Variants in CHST10 observed in about 807,000 individuals in gnomAD.
The protein encoded by CHST10 is HNK-1 sulfotransferase.
Under a neutral mutation model 34.7 loss-of-function variants are expected in CHST10, and 24 were observed. The ratio of observed to expected loss-of-function variants is 0.69; its 90% CI spans 0.50 to 0.97. The LOEUF (loss-of-function observed/expected upper bound fraction) is 0.97. Ranked by LOEUF, CHST10 falls within the 50% of genes least tolerant of loss-of-function variation. The pLI is 0.00. For missense variants in CHST10, 402 were observed against 452.1 expected (o/e 0.89, Z 1.00); for synonymous variants, 161 against 169.3 (o/e 0.95, Z 0.38).
intron 3 of CHST10, among the ~76,000 whole-genome samples, chr2:100,405,253 C>T (rs889037240): frequency 1.3e-5 from 2 of 152,208 alleles, no homozygotes; most frequent in Non-Finnish European, 2.9e-5. Flanking sequence ...GTGACACCTG[C>T]CCAGATACCT....
intron 2 of CHST10, among the ~76,000 whole-genome samples, chr2:100,413,894 C>T (rs1274117764): frequency 6.6e-6 from 1 of 152,148 alleles, no homozygotes; most frequent in African/African-American, 2.4e-5. Flanking sequence ...CAGGCTTTTT[C>T]CAGACATTTT....
At position 100,394,975 on chromosome 2, in the gene CHST10, T is replaced by C. The variant is rs572275974; in HGVS notation, c.533+534A>G. Among the ~76,000 whole-genome samples, 461 of 152,126 alleles carry C rather than the reference T, an allele frequency of 3.0e-3. 1 individual carries two copies. Among genetic ancestry groups the C allele is most frequent in the African/African-American group, 0.01 (432 of 41,494 alleles). On this transcript the variant is annotated intron_variant, in intron 6 of 6. Coordinates refer to ENST00000264249, the MANE Select transcript of CHST10 (RefSeq NM_004854.5). ...TTCAAATGATCCGCCCACCTCGGCC[T>C]CCCAAAGTGCTGGTATTACAGGCAT...
chr2:100,414,148 A>T (rs1389031475), intron 2 of CHST10, among the ~76,000 whole-genome samples: 1 of 152,076 alleles, frequency 6.6e-6, no homozygotes, highest in Non-Finnish European at 1.5e-5. Context: ...AGCCATGCAG[A>T]CCCCTGGGCA....
intron 4 of CHST10, among the ~76,000 whole-genome samples, chr2:100,399,011 G>A (rs1427384482): frequency 6.6e-6 from 1 of 152,062 alleles, no homozygotes; most frequent in Non-Finnish European, 1.5e-5. Context: ...TGAATAGCAG[G>A]GCAGCCTCCA....
Position 100,402,251 on chromosome 2 carries a change from T to A in CHST10, c.192+313A>T, listed in dbSNP as rs574108997. ...GTGAGATGTCTTCTCCCACTTCTGG[T>A]TTCCTCCTGACCCTGCCCAATACTC... is the stretch of plus-strand genomic sequence containing the variant. On this transcript the variant is annotated intron_variant, in intron 4 of 6. Coordinates refer to ENST00000264249, the MANE Select transcript of CHST10 (RefSeq NM_004854.5). 1.6e-4 allele frequency among the ~76,000 whole-genome samples: 24 copies of A among 152,302 alleles called. No homozygotes were observed. The South Asian group carries it at 4.8e-3, about 30-fold the overall frequency.
At chr2:100,396,471 T>A (rs551791556) in intron 5 of CHST10, among the ~76,000 whole-genome samples, 1 of 152,290 alleles carries the variant, frequency 6.6e-6, no homozygotes, top group African/African-American at 2.4e-5. Flanking sequence ...GTTAATCCGG[T>A]AGGGTTAAGA....
At chr2:100,398,399 A>C (rs1208713150) in intron 4 of CHST10, among the ~76,000 whole-genome samples, 1 of 152,082 alleles carries the variant, frequency 6.6e-6, no homozygotes, top group African/African-American at 2.4e-5. Flanking sequence ...TTTGGAGAGA[A>C]GTTTGACTTT....
chr2:100,399,103 T>C lies in CHST10; in HGVS notation c.193-961A>G, dbSNP rs1573179276. On this transcript the variant is annotated intron_variant, in intron 4 of 6. Transcript: ENST00000264249. ...CAGCTGCTACATCTCTCTCTCTCTC[T>C]TTTTTTTTTTTTTTTTATGAGACGG... Among the ~76,000 whole-genome samples, 4 of 43,760 alleles carry C rather than the reference T, an allele frequency of 9.1e-5. No homozygotes were observed. In the South Asian group the frequency reaches 2.1e-3, roughly 23 times the overall value. 28.7% of individuals were successfully genotyped at this position (43,760 alleles called of 152,430 possible). A position where few individuals can be genotyped will look rare whatever the true frequency, so the allele number is the denominator to read the frequency against.
At chr2:100,406,522 G>A (rs1675583879) in intron 3 of CHST10, 54 bp downstream of exon 3, 1 of 1,604,484 alleles carries the variant, frequency 6.2e-7, no homozygotes, top group Non-Finnish European at 8.5e-7. Context: ...TAGGAACAGT[G>A]TTGCAGCTAG....
At chr2:100,402,686 T>C (rs1422601500) in intron 3 of CHST10, 31 bp from the exon 4 acceptor site, 2 of 1,593,278 alleles carry the variant, frequency 1.3e-6, no homozygotes, top group South Asian at 1.1e-5. Flanking sequence ...ATGTCTTCTC[T>C]AAAAGGAAAA....
chr2:100,398,548 A>G (rs562727568), intron 4 of CHST10, among the ~76,000 whole-genome samples: 1 of 152,250 alleles, frequency 6.6e-6, no homozygotes, highest in South Asian at 2.1e-4. Flanking sequence ...TACTAAAAAT[A>G]CAAAAATTAG....
chr2:100,415,935 G>A (rs1279828524), intron 1 of CHST10: 1 of 152,170 alleles, frequency 6.6e-6, no homozygotes, highest in African/African-American at 2.4e-5. Context: ...CTACTAACTT[G>A]TACTGCTGTT....
chr2:100,406,743 A>C, intron 2 of CHST10, 36 bp from the exon 3 acceptor site: 2 of 1,602,216 alleles, frequency 1.2e-6, no homozygotes, highest in Non-Finnish European at 1.7e-6. Context: ...TGCTGCTTAC[A>C]AATACATCAA....
chr2:100,392,620 C>T lies in CHST10; in HGVS notation c.*625G>A, dbSNP rs1057056. The T allele has an allele frequency of 0.11, 17,472 of 156,368 alleles. 2,512 individuals are homozygous for T. Among genetic ancestry groups the T allele is most frequent in the African/African-American group, 0.33 (13,713 of 41,440 alleles). The allele number at this position is 156,368 out of a possible 1,614,324, so 9.7% of individuals were successfully genotyped here. A position where few individuals can be genotyped will look rare whatever the true frequency, so the allele number is the denominator to read the frequency against. ...CAGGCATGGATTCTGGAAAGATGGA[C>T]CCCTGGACACCACACCACCCTCTGG... On this transcript the variant is annotated 3_prime_UTR_variant, in exon 7 of 7. Coordinates refer to ENST00000264249, the MANE Select transcript of CHST10 (RefSeq NM_004854.5).
Position 100,393,467 on chromosome 2 carries a change from G to A in CHST10, c.849C>T (p.His283=), listed in dbSNP as rs1311026808. ...CEIMYSVIGH[H]ETLEDDAPYI... is the part of the protein sequence containing the mutation. Reference sequence around the variant, plus strand: ...ATGGGGCATCGTCCTCCAGGGTCTCGTGGTGTCCAATCACACTGTACATTA... The same window carrying A: ...ATGGGGCATCGTCCTCCAGGGTCTCATGGTGTCCAATCACACTGTACATTA... Residue 283 remains histidine, a synonymous_variant, in exon 7 of 7, where the codon CAC becomes CAT. Coordinates refer to ENST00000264249, the MANE Select transcript of CHST10 (RefSeq NM_004854.5). 34 of 1,614,004 alleles carry A rather than the reference G, an allele frequency of 2.1e-5. No homozygotes were observed. The highest frequency in any genetic ancestry group is 3.3e-5 in the Admixed American group (2 of 59,992).
Position 100,393,289 on chromosome 2 carries a change from A to G in CHST10, c.1027T>C (p.Phe343Leu), listed in dbSNP as rs773617693. 1.2e-6 allele frequency: 2 copies of G among 1,614,214 alleles called. No homozygotes were observed. Among genetic ancestry groups the G allele is most frequent in the Non-Finnish European group, 1.7e-6 (2 of 1,180,042 alleles). The stretch of plus-strand genomic sequence containing the variant: ...GGTTTCTGGTACCCAAAGAGCTTAA[A>G]GTCCCCTTCGAAACGGGCATACAGG... Reference protein sequence around the residue: ...RRLYARFEGDFKLFGYQKPDF... With the variant: ...RRLYARFEGDLKLFGYQKPDF... The change falls in exon 7 of 7, where the codon TTT (phenylalanine) becomes CTT (leucine). Residue 343 changes from phenylalanine (F) to leucine (L), a missense_variant. By Grantham distance (22) the Phe-to-Leu change is conservative. Coordinates refer to ENST00000264249, the MANE Select transcript of CHST10 (RefSeq NM_004854.5).
At chr2:100,405,695 A>T (rs931077584) in intron 3 of CHST10, among the ~76,000 whole-genome samples, 1 of 152,196 alleles carries the variant, frequency 6.6e-6, no homozygotes. Flanking sequence ...AGCACAGCAA[A>T]GTGCTGTGCT....
intron 4 of CHST10, 118 bp downstream of exon 4, chr2:100,402,446 G>T: frequency 1.3e-6 from 1 of 751,770 alleles, no homozygotes; most frequent in Non-Finnish European, 2.3e-6. Context: ...AAGTAACACA[G>T]GAAAAGGCTC....
chr2:100,393,989 AAC>A (rs1269976339), intron 6 of CHST10, among the ~76,000 whole-genome samples: 2 of 152,166 alleles, frequency 1.3e-5, no homozygotes, highest in African/African-American at 4.8e-5. Flanking sequence ...CAGGTGAGAA[AAC>A]AGAGGCTTGG....
Sources: allele counts gnomAD v4.1 joint callset (sites outside exome capture counted in the v4.1 genomes callset), GRCh38; gene constraint gnomAD v4.1.1; transcripts MANE v1.5; gene names NCBI Gene and HGNC (gene_info 2026-07-23, HGNC 2026-07-21).